INTS8: variants seen among roughly 807,000 people sequenced by gnomAD.
INTS8 encodes the protein integrator complex subunit 8.
INTS8 carries 47 observed loss-of-function variants against 138.9 expected under a neutral mutation model. The ratio of observed to expected loss-of-function variants is 0.34; its 90% CI spans 0.27 to 0.43. INTS8 has a LOEUF of 0.43. Among genes scored for constraint, INTS8 ranks in the 20% least tolerant of loss-of-function variants. The pLI is 1.00. For missense variants in INTS8, 996 were observed against 1,173.0 expected (o/e 0.85, Z 2.20); for synonymous variants, 392 against 400.9 (o/e 0.98, Z 0.27).
intron 14 of INTS8, among the ~76,000 whole-genome samples, chr8:94,854,964 T>C (rs1815692006): frequency 6.6e-6 from 1 of 151,280 alleles, no homozygotes; most frequent in Non-Finnish European, 1.5e-5. Flanking sequence ...CAGGCTGATC[T>C]TAAACTCCTG....
intron 18 of INTS8, 22 bp downstream of exon 18, chr8:94,866,213 T>A: frequency 8.0e-7 from 1 of 1,257,646 alleles, no homozygotes; most frequent in Non-Finnish European, 1.1e-6. Context: ...TAAAAATTGC[T>A]CTAATTACTA....
At chr8:94,831,701 C>G (rs562288676) in intron 5 of INTS8, among the ~76,000 whole-genome samples, 10 of 151,732 alleles carry the variant, frequency 6.6e-5, no homozygotes, top group African/African-American at 2.4e-4. Flanking sequence ...AGGCTGGTCT[C>G]GAACTCCTGA....
chr8:94,845,188 A>G lies in INTS8; in HGVS notation c.1260+2700A>G, dbSNP rs578117437. ...GTCATGAAGATATTCTTCTATTATT[A>G]TCTTCTAAAAGCTTTATAGCATAGC... On this transcript the variant is annotated intron_variant, in intron 10 of 26. Coordinates refer to ENST00000523731, the MANE Select transcript of INTS8 (RefSeq NM_017864.4). 2.7e-4 allele frequency among the ~76,000 whole-genome samples: 41 copies of G among 151,778 alleles called. 2 individuals carry two copies. In the South Asian group the frequency reaches 8.5e-3, roughly 32 times the overall value.
At position 94,865,519 on chromosome 8, in the gene INTS8, T is replaced by G; in HGVS notation, c.2090T>G (p.Leu697Ter). 1 of 1,613,790 alleles carries G rather than the reference T, an allele frequency of 6.2e-7. No homozygotes were observed. The highest frequency in any genetic ancestry group is 8.5e-7 in the Non-Finnish European group (1 of 1,179,776). ...SNPYVKLGQL[L>*]AATCKELPGP... ...TTCATGTTATAGCTTGGACAGCTTT[T>G]AGCAGCTACATGCAAAGAACTTCCA... The change falls in exon 17 of 27, where the codon TTA becomes TGA. Residue 697 changes from leucine to a stop codon, truncating the protein, a stop_gained. Coordinates refer to ENST00000523731, the MANE Select transcript of INTS8 (RefSeq NM_017864.4). LOFTEE classifies it high-confidence loss of function.
chr8:94,840,234 G>T (rs537857647), intron 8 of INTS8, among the ~76,000 whole-genome samples: 1 of 152,356 alleles, frequency 6.6e-6, no homozygotes, highest in African/African-American at 2.4e-5. Context: ...TTGAGAAGCT[G>T]CTGTGTTGCT....
intron 12 of INTS8, among the ~76,000 whole-genome samples, chr8:94,851,208 A>T (rs1815531412): frequency 6.6e-6 from 1 of 150,760 alleles, no homozygotes; most frequent in African/African-American, 2.4e-5. Context: ...AACACATTAT[A>T]TTCAAAAGTA....
At chr8:94,845,802 C>T (rs1417431759) in intron 10 of INTS8, among the ~76,000 whole-genome samples, 1 of 152,154 alleles carries the variant, frequency 6.6e-6, no homozygotes, top group Admixed American at 6.5e-5. Flanking sequence ...CTCAGATTGT[C>T]AAGTTCCACA....
chr8:94,831,943 AT>A, intron 5 of INTS8, 48 bp from the exon 6 acceptor site: 1 of 1,458,368 alleles, frequency 6.9e-7, no homozygotes, highest in Non-Finnish European at 9.2e-7. Context: ...TTTGGTTATT[AT>A]AATCAGTTGC....
chr8:94,831,610 T>G (rs1157097817), intron 5 of INTS8, among the ~76,000 whole-genome samples: 1 of 151,770 alleles, frequency 6.6e-6, no homozygotes, highest in Non-Finnish European at 1.5e-5. Context: ...GCTTCCTGAG[T>G]AGCTGGGATT....
In INTS8 at chr8:94,871,864, TTG is replaced by T. The variant is rs1231721892; in HGVS notation, c.2415-14_2415-13del. The T allele has an allele frequency of 3.2e-6, 4 of 1,254,044 alleles. No homozygotes were observed. Among genetic ancestry groups the T allele is most frequent in the East Asian group, 2.3e-5 (1 of 43,184 alleles). The allele number at this position is 1,254,044 out of a possible 1,614,324, so 77.7% of individuals were successfully genotyped here. ...TTGACTTTTAAAATAGAGATTAATGTTGTGTGTCTTTCCTTTTAGCCTCCAGT... is the reference window on the plus strand; with the variant it reads ...TTGACTTTTAAAATAGAGATTAATGTTGTGTCTTTCCTTTTAGCCTCCAGT... On this transcript the variant is annotated intron_variant, in intron 20 of 26. Coordinates refer to ENST00000523731, the MANE Select transcript of INTS8 (RefSeq NM_017864.4).
chr8:94,871,774 ATTTATG>A, intron 20 of INTS8, 104 bp from the exon 21 acceptor site: 1 of 704,726 alleles, frequency 1.4e-6, no homozygotes, highest in South Asian at 1.6e-5. Flanking sequence ...TTAGCATTAT[ATTTATG>A]TTCACCTAAA....
intron 26 of INTS8, among the ~76,000 whole-genome samples, chr8:94,877,721 C>G (rs1038496822): frequency 6.6e-6 from 1 of 152,172 alleles, no homozygotes; most frequent in Non-Finnish European, 1.5e-5. Flanking sequence ...GCCACTCACA[C>G]CCAAAGCCAT....
intron 21 of INTS8, among the ~76,000 whole-genome samples, chr8:94,872,815 A>AT (rs1014007508): frequency 1.3e-5 from 2 of 152,130 alleles, no homozygotes; most frequent in Non-Finnish European, 2.9e-5. Context: ...AATTTTTAAG[A>AT]TTTTTTCCTA....
At position 94,874,664 on chromosome 8, in the gene INTS8, T is replaced by C. The variant is rs887066619; in HGVS notation, c.2688+62T>C. On this transcript the variant is annotated intron_variant, in intron 23 of 26. Coordinates refer to ENST00000523731, the MANE Select transcript of INTS8 (RefSeq NM_017864.4). ...CATATGTTAGAGTTTATAATAAATA[T>C]AAAGCATTGAACTGGAAATTAGCTT... The C allele has an allele frequency of 1.8e-5, 17 of 947,814 alleles. No homozygotes were observed. The African/African-American group carries it at 2.3e-4, about 13-fold the overall frequency. 58.7% of individuals were successfully genotyped at this position (947,814 alleles called of 1,614,324 possible).
chr8:94,840,506 A>C (rs1051534367), intron 8 of INTS8, among the ~76,000 whole-genome samples: 7 of 151,982 alleles, frequency 4.6e-5, no homozygotes, highest in African/African-American at 7.3e-5. Context: ...TAAATCATTT[A>C]AATTTATTAT....
intron 8 of INTS8, among the ~76,000 whole-genome samples, 177 bp downstream of exon 8, chr8:94,838,795 A>G (rs1219493649): frequency 6.6e-6 from 1 of 152,244 alleles, no homozygotes; most frequent in Admixed American, 6.5e-5. Context: ...ATGAGAATCT[A>G]GTGAGAAGTT....
At chr8:94,853,631 G>A (rs1586500612) in intron 13 of INTS8, among the ~76,000 whole-genome samples, 174 bp from the exon 14 acceptor site, 1 of 152,174 alleles carries the variant, frequency 6.6e-6, no homozygotes, top group Admixed American at 6.5e-5. Context: ...GTTGATTGTA[G>A]CGAATGTGTT....
chr8:94,860,676 T>C (rs1357201948), intron 16 of INTS8, among the ~76,000 whole-genome samples: 1 of 151,452 alleles, frequency 6.6e-6, no homozygotes, highest in Non-Finnish European at 1.5e-5. Context: ...GTATATTTGG[T>C]GCTTCAGATT....
At chr8:94,836,733 T>C in intron 7 of INTS8, 102 bp downstream of exon 7, 4 of 696,216 alleles carry the variant, frequency 5.7e-6, no homozygotes, top group Non-Finnish European at 9.8e-6. Context: ...TTCATTATTA[T>C]AAATGTGTGA....
Sources: gnomAD v4.1 joint callset for allele counts (sites outside exome capture counted in the v4.1 genomes callset) on GRCh38, gnomAD v4.1.1 for gene constraint, MANE v1.5 for transcripts, NCBI Gene and HGNC (gene_info 2026-07-23, HGNC 2026-07-21) for gene names.